The following ZSWIM7 variants were observed in gnomAD, a reference collection of about 807,000 sequenced individuals.
ZSWIM7 encodes the protein zinc finger SWIM domain-containing protein 7.
ZSWIM7 carries 22 observed loss-of-function variants against 21.1 expected under a neutral mutation model. That is an observed-to-expected ratio of 1.04 (90% CI 0.74 to 1.49). ZSWIM7 has a LOEUF of 1.49. ZSWIM7 is among the 40% of genes most tolerant of loss of function. The pLI, the probability that ZSWIM7 is intolerant of heterozygous loss-of-function variation, is 0.00. For missense variants in ZSWIM7, 193 were observed against 168.0 expected, an observed-to-expected ratio of 1.15 and a Z score of -0.82; for synonymous variants, 67 against 66.5, an observed-to-expected ratio of 1.01 and a Z score of -0.04.
At chr17:15,994,173 G>A (rs994000123) in intron 1 of ZSWIM7, among the ~76,000 whole-genome samples, 5 of 152,082 alleles carry the variant, frequency 3.3e-5, no homozygotes, top group Non-Finnish European at 5.9e-5. Flanking sequence ...TGCTGGTCTT[G>A]AACTCCTCAC....
rs559969037 is a variant in ZSWIM7 at position 15,979,678 on chromosome 17, C to CA, written c.306+1361dup. On this transcript the variant is annotated intron_variant, in intron 4 of 4. Transcript: ENST00000399277. Reference sequence around the variant, plus strand: ...GGCTGGGCGGAGGACTGACCCCCCCCACCTCCCTCCCGAATGGGGCGGCTG... The same window carrying CA: ...GGCTGGGCGGAGGACTGACCCCCCCCAACCTCCCTCCCGAATGGGGCGGCTG... Among the ~76,000 whole-genome samples, 13 of 133,180 alleles carry CA rather than the reference C, an allele frequency of 9.8e-5. 1 individual carries two copies. Among genetic ancestry groups the CA allele is most frequent in the African/African-American group, 2.4e-4 (8 of 33,762 alleles). The allele number at this position is 133,180 out of a possible 152,430, so 87.4% of individuals were successfully genotyped here.
chr17:15,990,678 T>A (rs958778428), intron 2 of ZSWIM7, among the ~76,000 whole-genome samples: 1 of 152,214 alleles, frequency 6.6e-6, no homozygotes. Flanking sequence ...AAAATTAAAA[T>A]GTTCAACTTC....
intron 3 of ZSWIM7, 37 bp downstream of exon 3, chr17:15,987,229 G>A (rs746692126): frequency 6.5e-7 from 1 of 1,536,610 alleles, no homozygotes; most frequent in East Asian, 2.3e-5. Context: ...GTCCTAAGGG[G>A]TTTCTGTAGG....
At chr17:15,988,167 T>C (rs912350736) in intron 2 of ZSWIM7, among the ~76,000 whole-genome samples, 3 of 152,154 alleles carry the variant, frequency 2.0e-5, no homozygotes, top group Non-Finnish European at 2.9e-5. Flanking sequence ...AAAAGGTATA[T>C]TGTAGGCTTC....
intron 3 of ZSWIM7, among the ~76,000 whole-genome samples, chr17:15,985,303 TAAAAA>T (rs11289228): frequency 7.2e-6 from 1 of 139,552 alleles, no homozygotes. Flanking sequence ...GACTCTGCCT[TAAAAA>T]AAAAAAAAAA....
At chr17:15,999,233 G>C in intron 1 of ZSWIM7, 2 of 567,210 alleles carry the variant, frequency 3.5e-6, no homozygotes, top group Non-Finnish European at 6.3e-6. Flanking sequence ...GACCCGGCCA[G>C]CTCTCAGCAC....
At chr17:15,980,158 A>G in intron 4 of ZSWIM7, 1 of 140,638 alleles carries the variant, frequency 7.1e-6, no homozygotes, top group Non-Finnish European at 1.5e-5. Flanking sequence ...GGTCTAGGCT[A>G]CTCTCTTAAC....
intron 2 of ZSWIM7, among the ~76,000 whole-genome samples, chr17:15,989,103 T>C (rs1970451068): frequency 6.6e-6 from 1 of 152,170 alleles, no homozygotes; most frequent in African/African-American, 2.4e-5. Context: ...TATCAGGCTT[T>C]TTTATGTTGC....
rs559095672 is a variant in ZSWIM7 at position 15,979,445 on chromosome 17, G to T, written c.307-1282C>A. Among the ~76,000 whole-genome samples, 3 of 152,288 alleles carry T rather than the reference G, an allele frequency of 2.0e-5. No individual in the cohort carries two copies. In the East Asian group the frequency reaches 5.8e-4, roughly 29 times the overall value. ...CTCAATCTTTTCCCTACCTTTCCCT[G>T]CTTTCTATTCCACAAAACCGCCATT... On this transcript the variant is annotated intron_variant, in intron 4 of 4. Coordinates refer to ENST00000399277, the MANE Select transcript of ZSWIM7 (RefSeq NM_001042697.2).
chr17:15,980,891 A>G, intron 4 of ZSWIM7, 149 bp downstream of exon 4: 1 of 520,314 alleles, frequency 1.9e-6, no homozygotes, highest in Non-Finnish European at 3.4e-6. Flanking sequence ...TAAACCCCTA[A>G]GAGGTGACTA....
At chr17:15,992,859 T>C (rs1237026946) in intron 2 of ZSWIM7, among the ~76,000 whole-genome samples, 1 of 152,182 alleles carries the variant, frequency 6.6e-6, no homozygotes, top group African/African-American at 2.4e-5. Context: ...ATATTATTCC[T>C]AGTTTCTAAG....
chr17:15,985,297 C>T (rs933460786), intron 3 of ZSWIM7, among the ~76,000 whole-genome samples: 1 of 110,342 alleles, frequency 9.1e-6, no homozygotes, highest in African/African-American at 4.4e-5. Context: ...GAGCGAGACT[C>T]TGCCTTAAAA....
intron 1 of ZSWIM7, among the ~76,000 whole-genome samples, chr17:15,998,023 C>T (rs907781868): frequency 2.6e-5 from 4 of 151,994 alleles, no homozygotes; most frequent in Non-Finnish European, 5.9e-5. Context: ...ATCACTTGAA[C>T]TTGGGAAGCG....
At position 15,981,118 on chromosome 17, in the gene ZSWIM7, G is replaced by A; in HGVS notation, c.228C>T (p.Tyr76=). Residue 76 remains tyrosine, a synonymous_variant, in exon 4 of 5, where the codon TAC becomes TAT. Coordinates refer to ENST00000399277, the MANE Select transcript of ZSWIM7 (RefSeq NM_001042697.2). ...YQVLGSSSKT[Y]TCLASCHYCS... ...AGTAATGACAAGAAGCCAAACATGT[G>A]TATGTTTTACTGGAACTTCCAAGGA... The A allele has an allele frequency of 1.2e-6, 2 of 1,613,746 alleles. No homozygotes were observed. The highest frequency in any genetic ancestry group is 1.7e-6 in the Non-Finnish European group (2 of 1,179,738).
At position 15,999,648 on chromosome 17, in the gene ZSWIM7, G is replaced by A; in HGVS notation, c.-54C>T. The A allele has an allele frequency of 6.4e-7, 1 of 1,565,562 alleles. No homozygotes were observed. The highest frequency in any genetic ancestry group is 1.2e-5 in the South Asian group (1 of 85,664). On this transcript the variant is annotated 5_prime_UTR_variant, in exon 1 of 5. Coordinates refer to ENST00000399277, the MANE Select transcript of ZSWIM7 (RefSeq NM_001042697.2). ...GGCGGACCGCCGCGACGCTCCAGCT[G>A]ACTGCGCCTACCTGTGGAGGATCCT...
At chr17:15,997,525 G>T (rs1403144863) in intron 1 of ZSWIM7, among the ~76,000 whole-genome samples, 1 of 152,172 alleles carries the variant, frequency 6.6e-6, no homozygotes, top group Non-Finnish European at 1.5e-5. Context: ...AGTAATCATA[G>T]CTTCCTACAT....
At chr17:15,981,714 C>T (rs1173401625) in intron 3 of ZSWIM7, among the ~76,000 whole-genome samples, 2 of 151,932 alleles carry the variant, frequency 1.3e-5, no homozygotes, top group Non-Finnish European at 2.9e-5. Flanking sequence ...GAGTTCAAGA[C>T]CAGCATGGGC....
At chr17:15,990,873 ATTT>A (rs991937866) in intron 2 of ZSWIM7, 2 of 152,220 alleles carry the variant, frequency 1.3e-5, no homozygotes, top group South Asian at 4.2e-4. Flanking sequence ...ACCTTTAAGA[ATTT>A]TTTTAAGGCC....
chr17:15,985,098 G>GT (rs2151623506), intron 3 of ZSWIM7, among the ~76,000 whole-genome samples: 1 of 152,290 alleles, frequency 6.6e-6, no homozygotes, highest in Non-Finnish European at 1.5e-5. Flanking sequence ...GAGGTCAGGA[G>GT]TTTGAGACCA....
Sources: allele counts gnomAD v4.1 joint callset (sites outside exome capture counted in the v4.1 genomes callset), GRCh38; gene constraint gnomAD v4.1.1; transcripts MANE v1.5; gene names NCBI Gene and HGNC (gene_info 2026-07-23, HGNC 2026-07-21).